Variants in CABIN1 observed in about 807,000 individuals in gnomAD.
CABIN1 encodes the protein calcineurin binding protein 1, also known as calcineurin-binding protein cabin-1.
CABIN1 carries 133 observed loss-of-function variants against 227.7 expected under a neutral mutation model. The observed-to-expected ratio is 0.58, with a 90% CI of 0.51 to 0.67. The LOEUF is 0.67. CABIN1 is among the 30% of genes least tolerant of loss of function. CABIN1 has a pLI of 0.00. For missense variants in CABIN1, 2,408 were observed against 2,852.5 expected (o/e 0.84, Z 3.55); for synonymous variants, 1,086 against 1,155.1 (o/e 0.94, Z 1.21).
intron 29 of CABIN1, among the ~76,000 whole-genome samples, chr22:24,145,519 C>G (rs2045054096): frequency 6.6e-6 from 1 of 152,186 alleles, no homozygotes; most frequent in Admixed American, 6.5e-5. Flanking sequence ...TGCCTGTGGA[C>G]TGATGGGATG....
rs781236595 is a variant in CABIN1 at position 24,070,965 on chromosome 22, G to A, written c.2398G>A (p.Ala800Thr). 1 of 1,614,220 alleles carries A rather than the reference G, an allele frequency of 6.2e-7. No homozygotes were observed. The highest frequency in any genetic ancestry group is 2.2e-5 in the East Asian group (1 of 44,882). ...LLMGIEQALS[A>T]DSSGSILKVS... ...GATGGGCATCGAGCAGGCCCTCTCT[G>A]CGGACAGCAGTGGTAGCATCCTGAA... The change falls in exon 17 of 37, where the codon GCG becomes ACG. Residue 800 changes from alanine to threonine, a missense_variant. Transcript: ENST00000263119.
chr22:24,120,396 G>A (rs922546446), intron 28 of CABIN1, among the ~76,000 whole-genome samples: 2 of 152,226 alleles, frequency 1.3e-5, no homozygotes, highest in Admixed American at 6.5e-5. Context: ...GGGAGGTAAT[G>A]TGGCCTGGGC....
At chr22:24,128,461 G>C (rs1377492525) in intron 28 of CABIN1, among the ~76,000 whole-genome samples, 1 of 152,124 alleles carries the variant, frequency 6.6e-6, no homozygotes, top group Non-Finnish European at 1.5e-5. Flanking sequence ...TAGGTTGCTG[G>C]GGTGAGTTTG....
intron 28 of CABIN1, among the ~76,000 whole-genome samples, chr22:24,120,649 C>T (rs2043355595): frequency 6.6e-6 from 1 of 152,042 alleles, no homozygotes. Context: ...CCCGTCTCTA[C>T]TAAAAATACA....
Position 24,165,554 on chromosome 22 carries a change from C to T in CABIN1, c.4935C>T (p.Arg1645=). ...GGAAGTATCTGCGAGATGCTGACCG[C>T]CAGGTCCTGGCGCAGCGGGCCTTCA... The part of the protein sequence containing the change: ...QGKKYLRDAD[R]QVLAQRAFIL... Residue 1645 remains arginine (R), a synonymous_variant, in exon 31 of 37, where the codon CGC becomes CGT. Coordinates refer to ENST00000263119, the MANE Select transcript of CABIN1 (RefSeq NM_012295.4). The T allele has an allele frequency of 6.2e-7, 1 of 1,613,146 alleles. No homozygotes were observed.
At chr22:24,043,154 G>A in intron 6 of CABIN1, 70 bp downstream of exon 6, 1 of 1,475,970 alleles carries the variant, frequency 6.8e-7, no homozygotes. Context: ...AGGCAGTTTG[G>A]GTAAACTGAA....
chr22:24,036,312 C>G, intron 3 of CABIN1, 131 bp downstream of exon 3: 1 of 733,882 alleles, frequency 1.4e-6, no homozygotes, highest in South Asian at 1.4e-5. Flanking sequence ...ATGGCTAGCT[C>G]TCCATCTCCT....
chr22:24,132,947 G>A (rs1569262249), intron 28 of CABIN1, among the ~76,000 whole-genome samples: 1 of 152,330 alleles, frequency 6.6e-6, no homozygotes, highest in East Asian at 1.9e-4. Context: ...GAGCTCAGAA[G>A]TTGAAGGTCA....
At chr22:24,071,137 T>G in intron 17 of CABIN1, 95 bp downstream of exon 17, 2 of 1,545,370 alleles carry the variant, frequency 1.3e-6, no homozygotes, top group Non-Finnish European at 1.8e-6. Context: ...CATTGCTAAT[T>G]AGGCACCCAA....
chr22:24,120,343 AG>A (rs2043338013), intron 28 of CABIN1, among the ~76,000 whole-genome samples: 1 of 152,180 alleles, frequency 6.6e-6, no homozygotes, highest in Non-Finnish European at 1.5e-5. Flanking sequence ...AAGTGCTTCC[AG>A]GGGCTTCCCA....
chr22:24,024,940 C>T (rs1454638596), intron 1 of CABIN1, among the ~76,000 whole-genome samples: 1 of 151,976 alleles, frequency 6.6e-6, no homozygotes, highest in Non-Finnish European at 1.5e-5. Context: ...ATCCTGATTT[C>T]CTTTAGTTGA....
intron 11 of CABIN1, 65 bp from the exon 12 acceptor site, chr22:24,059,859 A>G: frequency 7.1e-7 from 1 of 1,404,234 alleles, no homozygotes; most frequent in East Asian, 2.3e-5. Context: ...TCCCAAAGTA[A>G]ATAGGAGACC....
intron 29 of CABIN1, among the ~76,000 whole-genome samples, chr22:24,156,786 G>A (rs1168537134): frequency 2.6e-5 from 4 of 152,198 alleles, no homozygotes; most frequent in Non-Finnish European, 5.9e-5. Context: ...TGGGCACATA[G>A]AGCCTACAGC....
intron 29 of CABIN1, among the ~76,000 whole-genome samples, chr22:24,149,537 G>C (rs1359852090): frequency 6.6e-6 from 1 of 152,234 alleles, no homozygotes; most frequent in Non-Finnish European, 1.5e-5. Flanking sequence ...GGCCAATTGA[G>C]AAGGCCACAT....
At chr22:24,039,296 T>TA (rs2037172838) in intron 4 of CABIN1, among the ~76,000 whole-genome samples, 1 of 152,140 alleles carries the variant, frequency 6.6e-6, no homozygotes, top group East Asian at 1.9e-4. Context: ...TGCAGACACT[T>TA]ATGACTCAAG....
intron 14 of CABIN1, 83 bp downstream of exon 14, chr22:24,063,229 T>G: frequency 1.5e-6 from 2 of 1,317,034 alleles, no homozygotes; most frequent in Non-Finnish European, 2.2e-6. Context: ...TGAGGGTGTG[T>G]GTGTGTATGT....
In CABIN1 at chr22:24,111,285, G is replaced by T. The variant is rs886442441; in HGVS notation, c.4118-2281G>T. 3.9e-5 allele frequency among the ~76,000 whole-genome samples: 6 copies of T among 152,128 alleles called. 1 individual carries two copies. The South Asian group carries it at 1.2e-3, about 32-fold the overall frequency. On this transcript the variant is annotated intron_variant, in intron 26 of 36. Transcript: ENST00000263119. ...GTTGGGCAAAATCATCTAACACGGG[G>T]GTCCCCAACCCCCAGGTCACAGACT...
intron 8 of CABIN1, among the ~76,000 whole-genome samples, chr22:24,053,630 C>T (rs6004047): frequency 0.22 from 32,812 of 152,044 alleles, 3,562 homozygotes; most frequent in Admixed American, 0.3. Flanking sequence ...CTACCCGCCT[C>T]GGCCTCTCAA....
intron 17 of CABIN1, among the ~76,000 whole-genome samples, chr22:24,071,380 G>A (rs374911257): frequency 2.0e-5 from 3 of 152,168 alleles, no homozygotes; most frequent in Admixed American, 6.5e-5. Context: ...AGCGCAGGCC[G>A]GGATGGCTCC....
Sources: gnomAD v4.1 joint callset for allele counts (sites outside exome capture counted in the v4.1 genomes callset) on GRCh38, gnomAD v4.1.1 for gene constraint, MANE v1.5 for transcripts, NCBI Gene and HGNC (gene_info 2026-07-23, HGNC 2026-07-21) for gene names.